LEMD3: variants seen among roughly 807,000 people sequenced by gnomAD.
LEMD3 encodes inner nuclear membrane protein Man1.
In LEMD3, 33 loss-of-function variants were observed where a neutral mutation model predicts 95.2. The observed-to-expected ratio is 0.35, with a 90% confidence interval of 0.26 to 0.46. LEMD3 has a LOEUF of 0.46. LEMD3 is among the 20% of genes least tolerant of loss of function. The probability of loss-of-function intolerance (pLI) is 1.00; values close to 1 mark genes in which losing one functional copy is unlikely to be tolerated. For synonymous variants in LEMD3, 525 were observed against 474.6 expected, an observed-to-expected ratio of 1.11 and a Z score of -1.38; for missense variants, 1,210 against 1,192.8, an observed-to-expected ratio of 1.01 and a Z score of -0.21.
rs550032411 is a variant in LEMD3 at position 65,239,588 on chromosome 12, G to T, written c.1922-341G>T. Among the ~76,000 whole-genome samples the T allele has an allele frequency of 5.3e-5, 8 of 152,148 alleles. No homozygotes were observed. The South Asian group carries it at 8.3e-4, about 16-fold the overall frequency. On this transcript the variant is annotated intron_variant, in intron 6 of 12. Coordinates refer to ENST00000308330, the MANE Select transcript of LEMD3 (RefSeq NM_014319.5). ...AAAAGAAAAATTCATTTTACTTAAA[G>T]TAAGATTTAGTATGTTTAATCTCAT...
Position 65,238,778 on chromosome 12 carries a change from G to C in LEMD3, c.1885G>C (p.Val629Leu). The C allele has an allele frequency of 6.2e-7, 1 of 1,614,044 alleles. No homozygotes were observed. Among genetic ancestry groups the C allele is most frequent in the Non-Finnish European group, 8.5e-7 (1 of 1,179,952 alleles). Residue 629 changes from valine (V) to leucine (L), a missense_variant, in exon 6 of 13, where the codon GTT (valine) becomes CTT (leucine). Transcript: ENST00000308330. ...TTGGTGTCGTTTTCGACGTGCTTTT[G>C]TTACTGTAACTCACAGATTATTGTT... ...SFWCRFRRAF[V>L]TVTHRLLLLC...
intron 1 of LEMD3, among the ~76,000 whole-genome samples, chr12:65,206,294 A>T (rs1257753928): frequency 6.6e-6 from 1 of 152,080 alleles, no homozygotes; most frequent in Non-Finnish European, 1.5e-5. Flanking sequence ...GCCTAGATGA[A>T]TTTATTAAAA....
chr12:65,229,572 A>G (rs574604260), intron 4 of LEMD3, among the ~76,000 whole-genome samples: 115 of 152,244 alleles, frequency 7.6e-4, no homozygotes, highest in African/African-American at 2.5e-3. Context: ...GATACTAGCA[A>G]TTCTAACTGG....
intron 1 of LEMD3, among the ~76,000 whole-genome samples, chr12:65,197,344 T>A (rs1212732266): frequency 6.6e-6 from 1 of 152,154 alleles, no homozygotes; most frequent in Non-Finnish European, 1.5e-5. Context: ...CATATTCGTG[T>A]ATATTCTCTC....
rs376602586 is a variant in LEMD3 at position 65,228,714 on chromosome 12, T to G, written c.1696-9788T>G. ...CCTGGCCACTTTTATTATTTTTAAT[T>G]GACATAATTGTACATATTTATGGGG... On this transcript the variant is annotated intron_variant, in intron 4 of 12. Transcript: ENST00000308330. Among the ~76,000 whole-genome samples, 3 of 152,276 alleles carry G rather than the reference T, an allele frequency of 2.0e-5. No homozygotes were observed. In the East Asian group the frequency reaches 5.8e-4, roughly 29 times the overall value.
intron 4 of LEMD3, among the ~76,000 whole-genome samples, chr12:65,220,344 T>G (rs780879886): frequency 1.3e-5 from 2 of 152,244 alleles, no homozygotes; most frequent in Non-Finnish European, 2.9e-5. Context: ...TATAATACCT[T>G]ATCTGTTGGC....
intron 2 of LEMD3, among the ~76,000 whole-genome samples, chr12:65,211,702 T>C (rs1261822041): frequency 1.1e-4 from 17 of 152,220 alleles, no homozygotes; most frequent in African/African-American, 3.4e-4. Context: ...CTGAAATGAT[T>C]AGTAATATTC....
At chr12:65,200,051 C>T (rs951446370) in intron 1 of LEMD3, among the ~76,000 whole-genome samples, 12 of 151,620 alleles carry the variant, frequency 7.9e-5, no homozygotes, top group Admixed American at 6.6e-4. Context: ...CCCTGCACCC[C>T]CAACCCCTCT....
chr12:65,171,904 A>G (rs1868561798), intron 1 of LEMD3: 1 of 152,252 alleles, frequency 6.6e-6, no homozygotes, highest in African/African-American at 2.4e-5. Flanking sequence ...AAGATGAGTA[A>G]TTGGCGTACA....
intron 1 of LEMD3, chr12:65,171,428 T>C: frequency 2.7e-6 from 1 of 364,700 alleles, no homozygotes; most frequent in South Asian, 2.5e-5. Context: ...TGAAAGACTA[T>C]TTGCGCAGAT....
At chr12:65,219,098 G>C (rs1287867954) in intron 4 of LEMD3, among the ~76,000 whole-genome samples, 1 of 151,944 alleles carries the variant, frequency 6.6e-6, no homozygotes, top group African/African-American at 2.4e-5. Flanking sequence ...ATTTTTTTTA[G>C]TTTGTTTTAG....
chr12:65,198,253 T>C (rs934704765), intron 1 of LEMD3, among the ~76,000 whole-genome samples: 10 of 152,148 alleles, frequency 6.6e-5, no homozygotes, highest in Non-Finnish European at 1.5e-4. Flanking sequence ...TCACCATGTT[T>C]AATAAATTAT....
In LEMD3 at chr12:65,197,978, T is replaced by C. The variant is rs117154317; in HGVS notation, c.1523-12948T>C. Among the ~76,000 whole-genome samples the C allele has an allele frequency of 8.0e-4, 122 of 152,288 alleles. 1 individual carries two copies. In the East Asian group the frequency reaches 0.017, roughly 21 times the overall value. On this transcript the variant is annotated intron_variant, in intron 1 of 12. Transcript: ENST00000308330. ...ATGTTAAATACATATATTGTAATTT[T>C]GAATGTTACAAAGTAGAAGACCTAT...
intron 4 of LEMD3, among the ~76,000 whole-genome samples, chr12:65,233,742 C>CTA (rs1870697096): frequency 6.6e-6 from 1 of 152,098 alleles, no homozygotes; most frequent in South Asian, 2.1e-4. Flanking sequence ...TTCTTACTAA[C>CTA]TAAAGTTTTG....
intron 2 of LEMD3, among the ~76,000 whole-genome samples, chr12:65,214,452 T>A (rs915579089): frequency 1.3e-5 from 2 of 152,196 alleles, no homozygotes; most frequent in Non-Finnish European, 2.9e-5. Context: ...AATAAGTAAC[T>A]TATCTCAGTC....
chr12:65,199,603 A>T (rs1869532461), intron 1 of LEMD3, among the ~76,000 whole-genome samples: 1 of 152,088 alleles, frequency 6.6e-6, no homozygotes, highest in African/African-American at 2.4e-5. Flanking sequence ...ATCATTCTAA[A>T]ACCAAAAAAA....
chr12:65,201,710 A>G (rs1340971879), intron 1 of LEMD3, among the ~76,000 whole-genome samples: 1 of 151,972 alleles, frequency 6.6e-6, no homozygotes, highest in Non-Finnish European at 1.5e-5. Context: ...TTCTACATAT[A>G]TTGTCATATT....
At chr12:65,186,232 C>A (rs12300673) in intron 1 of LEMD3, among the ~76,000 whole-genome samples, 5,719 of 151,778 alleles carry the variant, frequency 0.038, 353 homozygotes, top group African/African-American at 0.13. Context: ...TTTTCTTTTA[C>A]ATTTTGCCCG....
intron 8 of LEMD3, 103 bp from the exon 9 acceptor site, chr12:65,240,806 A>G (rs1433087094): frequency 3.1e-6 from 3 of 977,194 alleles, no homozygotes; most frequent in Non-Finnish European, 4.9e-6. Flanking sequence ...CTCCATGAGT[A>G]GTGGTAAGAA....
Sources: gnomAD v4.1 joint callset for allele counts (sites outside exome capture counted in the v4.1 genomes callset) on GRCh38, gnomAD v4.1.1 for gene constraint, MANE v1.5 for transcripts, NCBI Gene and HGNC (gene_info 2026-07-23, HGNC 2026-07-21) for gene names.